The following DLG2 variants were observed in gnomAD, a reference collection of about 807,000 sequenced individuals.
The protein encoded by DLG2 is disks large homolog 2.
In DLG2, 45 loss-of-function variants were observed where a neutral mutation model predicts 132.5. The observed-to-expected ratio is 0.34, with a 90% CI of 0.27 to 0.44. The LOEUF (loss-of-function observed/expected upper bound fraction) is 0.44. Ranked by LOEUF, DLG2 falls within the 20% of genes least tolerant of loss-of-function variation. DLG2 has a pLI of 1.00. For missense variants in DLG2, 1,045 were observed against 1,196.9 expected (o/e 0.87, Z 1.87); for synonymous variants, 424 against 419.6 (o/e 1.01, Z -0.13).
chr11:85,105,159 T>A (rs1165108829), intron 6 of DLG2, among the ~76,000 whole-genome samples: 3 of 152,070 alleles, frequency 2.0e-5, no homozygotes, highest in South Asian at 2.1e-4. Context: ...CATGTCTATG[T>A]GTTTTCTGTT....
At chr11:84,575,586 C>T (rs2099497726) in intron 6 of DLG2, among the ~76,000 whole-genome samples, 1 of 152,096 alleles carries the variant, frequency 6.6e-6, no homozygotes, top group Non-Finnish European at 1.5e-5. Context: ...TTATGGGGTA[C>T]ATGTGATATT....
At chr11:84,952,660 T>C (rs1194644896) in intron 6 of DLG2, among the ~76,000 whole-genome samples, 1 of 151,640 alleles carries the variant, frequency 6.6e-6, no homozygotes, top group African/African-American at 2.4e-5. Context: ...TGTGCTCACA[T>C]GTAAAGTAAA....
intron 5 of DLG2, among the ~76,000 whole-genome samples, chr11:85,151,951 G>C (rs1398771504): frequency 6.6e-6 from 1 of 152,098 alleles, no homozygotes; most frequent in African/African-American, 2.4e-5. Flanking sequence ...TTCTCATTCT[G>C]CTCTCATTCC....
chr11:84,488,508 G>C (rs1401141567), intron 7 of DLG2, among the ~76,000 whole-genome samples: 1 of 152,100 alleles, frequency 6.6e-6, no homozygotes, highest in Non-Finnish European at 1.5e-5. Flanking sequence ...CCAACAGAAG[G>C]ATCCCCTTCC....
At chr11:84,375,632 T>C (rs751445271) in intron 7 of DLG2, among the ~76,000 whole-genome samples, 3 of 152,184 alleles carry the variant, frequency 2.0e-5, no homozygotes, top group African/African-American at 7.2e-5. Context: ...CGTTTTAGTA[T>C]TAACCTAAAG....
chr11:84,003,749 G>A (rs2094458674), intron 11 of DLG2, among the ~76,000 whole-genome samples: 1 of 151,924 alleles, frequency 6.6e-6, no homozygotes, highest in African/African-American at 2.4e-5. Flanking sequence ...GATTTGAGTG[G>A]GGACATAAAG....
rs573493175 is a variant in DLG2, at chr11:84,094,510, T to C, written c.749+4413A>G. ...AAATATAATTTATGTCTTAGTCTGTTGGGCTATTATAAAATAAAATATCAT... is the reference window on the plus strand; with the variant it reads ...AAATATAATTTATGTCTTAGTCTGTCGGGCTATTATAAAATAAAATATCAT... On this transcript the variant is annotated intron_variant, in intron 10 of 27. Transcript: ENST00000376104. 2.0e-5 allele frequency among the ~76,000 whole-genome samples: 3 copies of C among 152,316 alleles called. No homozygotes were observed. In the South Asian group the frequency reaches 6.2e-4, roughly 32 times the overall value.
At chr11:85,333,149 A>AT (rs905575337) in intron 3 of DLG2, among the ~76,000 whole-genome samples, 4 of 151,856 alleles carry the variant, frequency 2.6e-5, no homozygotes, top group African/African-American at 9.6e-5. Context: ...CATTGCAGAG[A>AT]TTTTTTACCT....
At chr11:84,694,483 T>A (rs1360067782) in intron 6 of DLG2, among the ~76,000 whole-genome samples, 1 of 151,566 alleles carries the variant, frequency 6.6e-6, no homozygotes, top group Admixed American at 6.6e-5. Context: ...AATATCCTCA[T>A]TATTCTGATG....
intron 15 of DLG2, among the ~76,000 whole-genome samples, chr11:83,900,226 A>AAAGTT (rs1390576446): frequency 6.6e-6 from 1 of 152,230 alleles, no homozygotes; most frequent in African/African-American, 2.4e-5. Flanking sequence ...GAAGCAGAGC[A>AAAGTT]TAAAAGTTTG....
intron 7 of DLG2, among the ~76,000 whole-genome samples, chr11:84,528,248 T>G (rs1201042386): frequency 6.6e-6 from 1 of 152,166 alleles, no homozygotes; most frequent in Non-Finnish European, 1.5e-5. Flanking sequence ...CTGAAGAGAA[T>G]GCATCCCCAC....
intron 7 of DLG2, among the ~76,000 whole-genome samples, chr11:84,308,769 C>T (rs1471536468): frequency 6.6e-6 from 1 of 152,190 alleles, no homozygotes; most frequent in African/African-American, 2.4e-5. Context: ...CCTCCGCAGC[C>T]ACTGGCCCGG....
chr11:83,738,059 T>G (rs1437738005), intron 18 of DLG2, among the ~76,000 whole-genome samples: 1 of 152,170 alleles, frequency 6.6e-6, no homozygotes, highest in Non-Finnish European at 1.5e-5. Flanking sequence ...GGATAGCTTA[T>G]GAAACAGGGT....
chr11:84,901,016 A>C (rs2090817008), intron 6 of DLG2, among the ~76,000 whole-genome samples: 1 of 151,934 alleles, frequency 6.6e-6, no homozygotes, highest in Admixed American at 6.6e-5. Context: ...ATACTTAGCG[A>C]GTCCATATGT....
intron 8 of DLG2, among the ~76,000 whole-genome samples, chr11:84,194,865 CG>C (rs907449023): frequency 6.6e-6 from 1 of 152,192 alleles, no homozygotes; most frequent in Non-Finnish European, 1.5e-5. Context: ...TGCCTGGGGC[CG>C]GCGGCGCTGG....
At chr11:85,127,689 T>C (rs997201019) in intron 5 of DLG2, among the ~76,000 whole-genome samples, 5 of 152,172 alleles carry the variant, frequency 3.3e-5, no homozygotes, top group African/African-American at 9.7e-5. Context: ...CATGAATAAA[T>C]AGCTTTGTCT....
chr11:84,799,607 C>A (rs1457681417), intron 6 of DLG2, among the ~76,000 whole-genome samples: 3 of 152,236 alleles, frequency 2.0e-5, no homozygotes, highest in African/African-American at 7.2e-5. Flanking sequence ...TTTCTCCACA[C>A]TCAAGGCTTT....
At chr11:83,469,153 A>G in intron 25 of DLG2, 48 bp downstream of exon 25, 1 of 1,447,394 alleles carries the variant, frequency 6.9e-7, no homozygotes, top group Non-Finnish European at 9.2e-7. Context: ...GCAGTTTGCA[A>G]CCTAGAAACC....
At chr11:84,185,123 T>C (rs2096248040) in intron 8 of DLG2, among the ~76,000 whole-genome samples, 1 of 152,100 alleles carries the variant, frequency 6.6e-6, no homozygotes, top group South Asian at 2.1e-4. Flanking sequence ...CATTGGTAGC[T>C]TGATGGGGAT....
Sources: allele counts gnomAD v4.1 joint callset (sites outside exome capture counted in the v4.1 genomes callset), GRCh38; gene constraint gnomAD v4.1.1; transcripts MANE v1.5; gene names NCBI Gene and HGNC (gene_info 2026-07-23, HGNC 2026-07-21).